DUSP16: variants seen among roughly 807,000 people sequenced by gnomAD.
DUSP16 encodes the protein dual specificity protein phosphatase 16.
A neutral mutation model predicts 58.3 loss-of-function variants in DUSP16; 21 were observed. The observed-to-expected ratio is 0.36, with a 90% CI of 0.26 to 0.52. The LOEUF is 0.52. Ranked by LOEUF, DUSP16 falls within the 20% of genes least tolerant of loss-of-function variation. The pLI, the probability that DUSP16 is intolerant of heterozygous loss-of-function variation, is 0.94. For missense variants in DUSP16, 726 were observed against 819.0 expected, an observed-to-expected ratio of 0.89 and a Z score of 1.39; for synonymous variants, 320 against 323.8, an observed-to-expected ratio of 0.99 and a Z score of 0.12.
intron 3 of DUSP16, among the ~76,000 whole-genome samples, chr12:12,503,061 T>C (rs1211321688): frequency 1.8e-5 from 1 of 55,884 alleles, no homozygotes; most frequent in Non-Finnish European, 3.3e-5. Context: ...GTTGTCTGAT[T>C]TGTCAAGTTA....
intron 6 of DUSP16, among the ~76,000 whole-genome samples, chr12:12,479,860 C>T (rs1436374605): frequency 6.6e-6 from 1 of 152,202 alleles, no homozygotes; most frequent in African/African-American, 2.4e-5. Flanking sequence ...AGAGATTCTG[C>T]AGTGAGCATT....
At chr12:12,482,281 TAAAAAA>T (rs530289119) in intron 5 of DUSP16, among the ~76,000 whole-genome samples, 1 of 152,108 alleles carries the variant, frequency 6.6e-6, no homozygotes, top group Non-Finnish European at 1.5e-5. Flanking sequence ...GAGATTTTAA[TAAAAAA>T]AGAAGAAGGC....
chr12:12,495,916 T>C (rs1214598692), intron 4 of DUSP16, among the ~76,000 whole-genome samples: 2 of 152,214 alleles, frequency 1.3e-5, no homozygotes, highest in African/African-American at 4.8e-5. Context: ...ATGACAAGTG[T>C]CCCTATAAAC....
At chr12:12,553,494 T>G (rs1362097478) in intron 1 of DUSP16, among the ~76,000 whole-genome samples, 1 of 152,208 alleles carries the variant, frequency 6.6e-6, no homozygotes, top group Non-Finnish European at 1.5e-5. Flanking sequence ...CAAGGTACAC[T>G]ATTATTACAA....
intron 3 of DUSP16, among the ~76,000 whole-genome samples, chr12:12,504,852 G>A (rs1943968631): frequency 6.6e-6 from 1 of 152,048 alleles, no homozygotes; most frequent in African/African-American, 2.4e-5. Flanking sequence ...ACTCCAGCCT[G>A]GGTGACAAAG....
At position 12,477,145 on chromosome 12, in the gene DUSP16, C is replaced by G. The variant is rs1390535790; in HGVS notation, c.1686G>C (p.Glu562Asp). The G allele has an allele frequency of 6.2e-7, 1 of 1,614,212 alleles. No homozygotes were observed. The highest frequency in any genetic ancestry group is 8.5e-7 in the Non-Finnish European group (1 of 1,180,044). The change falls in exon 7 of 7, where the codon GAG becomes GAC. Residue 562 changes from glutamate (E) to aspartate (D), a missense_variant. Coordinates refer to ENST00000298573, the MANE Select transcript of DUSP16 (RefSeq NM_030640.3). This position sits in a 1 kb window ranked among gnomAD's most constrained non-coding sequence, Gnocchi z 4.1. ...CTGAGGCAGAGTAGAAGTGTGAGGA[C>G]TCTGTGGCAAAATACCAGCTGCTGG... ...SLTSSWYFAT[E>D]SSHFYSASAI...
At chr12:12,538,016 G>A (rs916891696) in intron 1 of DUSP16, among the ~76,000 whole-genome samples, 6 of 152,072 alleles carry the variant, frequency 3.9e-5, no homozygotes, top group African/African-American at 1.4e-4. Flanking sequence ...TTAGAAACTT[G>A]ATAAAAATGC....
chr12:12,560,928 T>C (rs1944889888), intron 1 of DUSP16: 1 of 100,458 alleles, frequency 1.0e-5, no homozygotes, highest in Admixed American at 9.3e-5. Flanking sequence ...TCCTAAACTT[T>C]TGCATGGATG....
chr12:12,541,693 C>T (rs966138282), intron 1 of DUSP16, among the ~76,000 whole-genome samples: 8 of 152,298 alleles, frequency 5.3e-5, no homozygotes, highest in African/African-American at 1.7e-4. Context: ...TGTTCCACCA[C>T]AAACCCTAGA....
At chr12:12,481,968 C>T (rs1232168454) in intron 5 of DUSP16, among the ~76,000 whole-genome samples, 1 of 152,170 alleles carries the variant, frequency 6.6e-6, no homozygotes, top group African/African-American at 2.4e-5. Flanking sequence ...TGTACATTTC[C>T]TAGCCCCTAT....
chr12:12,545,291 GCT>G (rs2136258011), intron 1 of DUSP16, among the ~76,000 whole-genome samples: 1 of 152,014 alleles, frequency 6.6e-6, no homozygotes, highest in Admixed American at 6.6e-5. Context: ...ATGGATTCTC[GCT>G]CTGTCACCCA....
At chr12:12,505,397 G>A (rs1248629638) in intron 3 of DUSP16, among the ~76,000 whole-genome samples, 1 of 152,188 alleles carries the variant, frequency 6.6e-6, no homozygotes, top group Admixed American at 6.5e-5. Flanking sequence ...GAGGGAGAAG[G>A]AAGAAGATCC....
chr12:12,525,568 T>C (rs562582819), intron 1 of DUSP16, among the ~76,000 whole-genome samples: 6 of 152,028 alleles, frequency 3.9e-5, no homozygotes, highest in African/African-American at 1.4e-4. Context: ...CCGGCGAAAT[T>C]CTTAAACTTA....
At chr12:12,551,886 G>C (rs1944733819) in intron 1 of DUSP16, among the ~76,000 whole-genome samples, 2 of 152,010 alleles carry the variant, frequency 1.3e-5, no homozygotes, top group African/African-American at 4.8e-5. Context: ...TAGAGACGGG[G>C]TTTCACCATG....
chr12:12,524,894 C>G (rs1167621626), intron 1 of DUSP16, among the ~76,000 whole-genome samples: 2 of 151,948 alleles, frequency 1.3e-5, no homozygotes, highest in Admixed American at 1.3e-4. Flanking sequence ...TTAAAATTGC[C>G]ACGATATTGA....
chr12:12,560,860 A>G (rs1026825934), intron 1 of DUSP16: 1 of 150,862 alleles, frequency 6.6e-6, no homozygotes, highest in Non-Finnish European at 1.5e-5. Context: ...CATCAGCCCC[A>G]TAAGGTGAGT....
chr12:12,513,046 A>G lies in DUSP16; in HGVS notation c.367+6816T>C, dbSNP rs77931688. ...TTACACAGAACTGTCATCAGAATCTAGATCCTTATTAAATTGAAAATGTGT... is the reference window on the plus strand; with the variant it reads ...TTACACAGAACTGTCATCAGAATCTGGATCCTTATTAAATTGAAAATGTGT... On this transcript the variant is annotated intron_variant, in intron 3 of 6. Transcript: ENST00000298573. Among the ~76,000 whole-genome samples the G allele has an allele frequency of 5.3e-3, 814 of 152,336 alleles. 5 individuals carry two copies. Among genetic ancestry groups the G allele is most frequent in the African/African-American group, 0.018 (742 of 41,574 alleles).
chr12:12,480,558 CTGTT>C (rs1205233295), intron 5 of DUSP16, among the ~76,000 whole-genome samples: 2 of 152,142 alleles, frequency 1.3e-5, no homozygotes, highest in Non-Finnish European at 2.9e-5. Context: ...GGGTCCAAAA[CTGTT>C]TGTTAATAAG....
intron 1 of DUSP16, among the ~76,000 whole-genome samples, chr12:12,544,684 A>C (rs1042951554): frequency 3.3e-5 from 5 of 152,286 alleles, no homozygotes; most frequent in African/African-American, 1.2e-4. Flanking sequence ...GTGGTAATTC[A>C]CTGTGGTTTC....
Sources: gnomAD v4.1 joint callset for allele counts (sites outside exome capture counted in the v4.1 genomes callset) on GRCh38, gnomAD v4.1.1 for gene constraint, Gnocchi (gnomAD v3.1) non-coding constraint, MANE v1.5 for transcripts, NCBI Gene and HGNC (gene_info 2026-07-23, HGNC 2026-07-21) for gene names.